Variants in TBC1D22A observed in about 807,000 individuals in gnomAD.
The protein encoded by TBC1D22A is TBC1 domain family member 22A.
In TBC1D22A, 38 loss-of-function variants were observed where a neutral mutation model predicts 60.2. The ratio of observed to expected loss-of-function variants is 0.63; its 90% CI spans 0.49 to 0.83. The LOEUF is 0.83. Among genes scored for constraint, TBC1D22A ranks in the 40% least tolerant of loss-of-function variants. The pLI is 0.00. For synonymous variants in TBC1D22A, 302 were observed against 281.7 expected (o/e 1.07, Z -0.72); for missense variants, 628 against 701.0 (o/e 0.90, Z 1.18).
At chr22:46,814,949 G>A (rs1312679767) in intron 4 of TBC1D22A, among the ~76,000 whole-genome samples, 2 of 151,972 alleles carry the variant, frequency 1.3e-5, no homozygotes, top group African/African-American at 2.4e-5. Context: ...CACCATGCCC[G>A]GCCTATTTTT....
At chr22:46,850,883 G>A (rs550872779) in intron 4 of TBC1D22A, among the ~76,000 whole-genome samples, 2 of 152,350 alleles carry the variant, frequency 1.3e-5, no homozygotes, top group African/African-American at 4.8e-5. Context: ...ATAAATGGAT[G>A]AACCTTGAAT....
At chr22:46,877,709 C>T (rs1602273777) in intron 4 of TBC1D22A, among the ~76,000 whole-genome samples, 2 of 152,210 alleles carry the variant, frequency 1.3e-5, no homozygotes, top group Middle Eastern at 3.4e-3. Flanking sequence ...TTCTTTTATT[C>T]CCGTTATTAA....
intron 6 of TBC1D22A, among the ~76,000 whole-genome samples, chr22:46,893,749 A>C (rs1424050246): frequency 6.6e-6 from 1 of 152,220 alleles, no homozygotes; most frequent in East Asian, 1.9e-4. Context: ...TGGATAGAGT[A>C]GTGCTGCTTC....
Position 46,780,598 on chromosome 22 carries a change from C to T in TBC1D22A, c.63-11922C>T, listed in dbSNP as rs531698490. Among the ~76,000 whole-genome samples, 4 of 152,226 alleles carry T rather than the reference C, an allele frequency of 2.6e-5. No homozygotes were observed. In the East Asian group the frequency reaches 7.7e-4, roughly 29 times the overall value. On this transcript the variant is annotated intron_variant, in intron 1 of 12. Coordinates refer to ENST00000337137, the MANE Select transcript of TBC1D22A (RefSeq NM_014346.5). Reference sequence around the variant, plus strand: ...GCGGCCTTGCAGCGTTGGCCAGAGTCGCTCTGTCCCTCTTGACTCTGACTT... The same window carrying T: ...GCGGCCTTGCAGCGTTGGCCAGAGTTGCTCTGTCCCTCTTGACTCTGACTT...
intron 12 of TBC1D22A, among the ~76,000 whole-genome samples, chr22:47,133,012 C>A (rs2066733877): frequency 6.6e-6 from 1 of 152,178 alleles, no homozygotes; most frequent in African/African-American, 2.4e-5. Context: ...TCTCAGGGAG[C>A]CAAGTGTGCT....
rs1791743131 is a variant in TBC1D22A at position 47,173,546 on chromosome 22, G to A, written c.1474G>A (p.Glu492Lys). Residue 492 changes from glutamate to lysine, a missense_variant, in exon 13 of 13, where the codon GAG becomes AAG. Glu to Lys is a moderately conservative substitution (Grantham distance 56). Coordinates refer to ENST00000337137, the MANE Select transcript of TBC1D22A (RefSeq NM_014346.5). ...QNLPTAHWDDEDISLLLAEAY... is the reference protein window; with the variant it reads ...QNLPTAHWDDKDISLLLAEAY... ...CCTGCCCACAGCCCACTGGGATGAT[G>A]AGGACATCAGCCTGTTGCTGGCCGA... 4 of 1,614,148 alleles carry A rather than the reference G, an allele frequency of 2.5e-6. No individual in the cohort carries two copies. The highest frequency in any genetic ancestry group is 3.4e-6 in the Non-Finnish European group (4 of 1,180,022).
At chr22:46,994,151 C>A (rs141726151) in intron 9 of TBC1D22A, among the ~76,000 whole-genome samples, 1 of 152,162 alleles carries the variant, frequency 6.6e-6, no homozygotes, top group African/African-American at 2.4e-5. Flanking sequence ...TCTGAGAATC[C>A]GTCTTCCCTA....
intron 4 of TBC1D22A, among the ~76,000 whole-genome samples, chr22:46,809,690 G>A (rs1222106381): frequency 2.0e-5 from 3 of 152,240 alleles, no homozygotes; most frequent in Non-Finnish European, 4.4e-5. Flanking sequence ...CCTGGGCAGT[G>A]TCTTCATCTG....
chr22:46,852,508 T>A (rs2087335373), intron 4 of TBC1D22A, among the ~76,000 whole-genome samples: 1 of 152,210 alleles, frequency 6.6e-6, no homozygotes, highest in South Asian at 2.1e-4. Context: ...TTTGTCCGAA[T>A]CTCAGTGGCG....
chr22:47,023,999 CAAT>C (rs2062171587), intron 10 of TBC1D22A, among the ~76,000 whole-genome samples: 1 of 152,170 alleles, frequency 6.6e-6, no homozygotes, highest in Non-Finnish European at 1.5e-5. Flanking sequence ...AAAGCAGAAA[CAAT>C]AACAGTGTAC....
chr22:47,168,495 C>G (rs978976938), intron 12 of TBC1D22A, among the ~76,000 whole-genome samples: 1 of 152,210 alleles, frequency 6.6e-6, no homozygotes, highest in African/African-American at 2.4e-5. Flanking sequence ...CTGGGGAGAG[C>G]AGCAGGGACG....
At chr22:46,890,586 A>G (rs1366273170) in intron 5 of TBC1D22A, among the ~76,000 whole-genome samples, 1 of 152,156 alleles carries the variant, frequency 6.6e-6, no homozygotes, top group Non-Finnish European at 1.5e-5. Flanking sequence ...ACAACTATAT[A>G]TTGTCAATAA....
intron 11 of TBC1D22A, among the ~76,000 whole-genome samples, chr22:47,060,216 G>A (rs1421829304): frequency 3.3e-5 from 5 of 151,784 alleles, no homozygotes; most frequent in Admixed American, 2.6e-4. Flanking sequence ...CAGCCTCTGC[G>A]GCCCCTGCTA....
intron 8 of TBC1D22A, chr22:46,913,830 T>G (rs1350657082): frequency 2.2e-6 from 2 of 901,852 alleles, no homozygotes; most frequent in East Asian, 1.2e-4. Flanking sequence ...TAAGCGATTC[T>G]TAATGCATTT....
intron 4 of TBC1D22A, among the ~76,000 whole-genome samples, chr22:46,856,940 G>C (rs1353297058): frequency 2.0e-5 from 3 of 152,268 alleles, no homozygotes; most frequent in African/African-American, 7.2e-5. Flanking sequence ...AAATGAGGTT[G>C]GGATGCGAGC....
chr22:46,962,491 C>T (rs1253534263), intron 8 of TBC1D22A, among the ~76,000 whole-genome samples: 1 of 152,232 alleles, frequency 6.6e-6, no homozygotes, highest in Non-Finnish European at 1.5e-5. Context: ...CTGCCAATTT[C>T]ACTTGAGATG....
intron 11 of TBC1D22A, among the ~76,000 whole-genome samples, chr22:47,106,022 T>C (rs879653476): frequency 3.3e-5 from 5 of 152,140 alleles, no homozygotes; most frequent in Non-Finnish European, 7.4e-5. Context: ...CAAGGCAGAA[T>C]TGAAGAAATA....
In TBC1D22A at chr22:47,108,346, G is replaced by A. The variant is rs140149440; in HGVS notation, c.1330-3162G>A. ...GATAAACAAACTGTGGTATATCCAA[G>A]CAGTGGGTGCTGCTCAGCATGTATA... On this transcript the variant is annotated intron_variant, in intron 11 of 12. Transcript: ENST00000337137. Among the ~76,000 whole-genome samples, 282 of 152,316 alleles carry A rather than the reference G, an allele frequency of 1.9e-3. 10 individuals are homozygous for A. Among genetic ancestry groups the A allele is most frequent in the Admixed American group, 0.017 (261 of 15,300 alleles).
chr22:46,922,250 GT>G (rs2070800994), intron 8 of TBC1D22A, among the ~76,000 whole-genome samples: 1 of 152,118 alleles, frequency 6.6e-6, no homozygotes, highest in African/African-American at 2.4e-5. Flanking sequence ...CTGTGTGTCT[GT>G]TTTTGTTATT....
Sources: allele counts gnomAD v4.1 joint callset (sites outside exome capture counted in the v4.1 genomes callset), GRCh38; gene constraint gnomAD v4.1.1; transcripts MANE v1.5; gene names NCBI Gene and HGNC (gene_info 2026-07-23, HGNC 2026-07-21).